SLC9A9: variants seen among roughly 807,000 people sequenced by gnomAD.
SLC9A9 encodes the protein solute carrier family 9 member A9, also known as sodium/hydrogen exchanger 9.
In SLC9A9, 62 loss-of-function variants were observed where a neutral mutation model predicts 77.8. That is an observed-to-expected ratio of 0.80 (90% CI 0.65 to 0.98). The LOEUF (loss-of-function observed/expected upper bound fraction) is 0.98, where lower values mean the gene tolerates loss of function less well. Ranked by LOEUF, SLC9A9 falls within the 50% of genes least tolerant of loss-of-function variation. The pLI, the probability that SLC9A9 is intolerant of heterozygous loss-of-function variation, is 0.00. For missense variants in SLC9A9, 775 were observed against 774.9 expected (o/e 1.00, Z 0.00); for synonymous variants, 320 against 283.5 (o/e 1.13, Z -1.29).
intron 4 of SLC9A9, among the ~76,000 whole-genome samples, chr3:143,699,559 C>G (rs12486254): frequency 0.49 from 73,943 of 151,976 alleles, 18,248 homozygotes; most frequent in South Asian, 0.62. Flanking sequence ...ACTGAACTTA[C>G]CGGTGCCGTG....
intron 14 of SLC9A9, 134 bp downstream of exon 14, chr3:143,363,344 CTTTTTA>C (rs1295181483): frequency 3.8e-6 from 3 of 784,714 alleles, no homozygotes; most frequent in Non-Finnish European, 6.4e-6. Context: ...GAAATCATTC[CTTTTTA>C]TAAGTTTGGC....
At chr3:143,730,211 C>A (rs114920547) in intron 4 of SLC9A9, among the ~76,000 whole-genome samples, 2 of 152,112 alleles carry the variant, frequency 1.3e-5, no homozygotes, top group African/African-American at 2.4e-5. Context: ...CCTTTGAAAG[C>A]GTGGTATTTT....
chr3:143,823,942 T>C (rs2009236838), intron 2 of SLC9A9, among the ~76,000 whole-genome samples: 3 of 152,164 alleles, frequency 2.0e-5, no homozygotes, highest in Admixed American at 2.0e-4. Context: ...TTATAATGTA[T>C]AGAGTATATT....
At chr3:143,554,279 A>C (rs2036939894) in intron 8 of SLC9A9, among the ~76,000 whole-genome samples, 1 of 152,198 alleles carries the variant, frequency 6.6e-6, no homozygotes, top group Admixed American at 6.5e-5. Context: ...ACATCTTCTT[A>C]TTTACTGCAG....
At chr3:143,571,299 T>C (rs1327935425) in intron 8 of SLC9A9, among the ~76,000 whole-genome samples, 1 of 152,246 alleles carries the variant, frequency 6.6e-6, no homozygotes, top group African/African-American at 2.4e-5. Flanking sequence ...GTATTCATTG[T>C]TGTCTATTCA....
chr3:143,574,076 T>C lies in SLC9A9; in HGVS notation c.1000+12A>G, dbSNP rs371013527. 5.6e-6 allele frequency: 9 copies of C among 1,610,790 alleles called. No individual in the cohort carries two copies. Among genetic ancestry groups the C allele is most frequent in the Non-Finnish European group, 7.6e-6 (9 of 1,177,616 alleles). On this transcript the variant is annotated intron_variant, in intron 8 of 15. Coordinates refer to ENST00000316549, the MANE Select transcript of SLC9A9 (RefSeq NM_173653.4). ...CACACATCCAGTTGGCTGTGCAGCA[T>C]GAAGCACTGACCTGTTAGGCCGGCA...
chr3:143,789,114 G>T (rs1240564144), intron 4 of SLC9A9, among the ~76,000 whole-genome samples: 1 of 152,132 alleles, frequency 6.6e-6, no homozygotes, highest in Non-Finnish European at 1.5e-5. Context: ...ATAGATACAA[G>T]ACGGCCACCA....
chr3:143,795,123 C>A (rs2008342479), intron 3 of SLC9A9, 46 bp from the exon 4 acceptor site: 1 of 1,543,366 alleles, frequency 6.5e-7, no homozygotes, highest in South Asian at 1.1e-5. Context: ...AGAATTTTTT[C>A]TTAGTGCAAA....
At chr3:143,466,907 G>A in intron 12 of SLC9A9, 130 bp downstream of exon 12, 1 of 1,169,798 alleles carries the variant, frequency 8.5e-7, no homozygotes, top group Non-Finnish European at 1.2e-6. Context: ...TATGAGTGAA[G>A]GTCAACTTGA....
chr3:143,836,695 T>A (rs57948714), intron 1 of SLC9A9, among the ~76,000 whole-genome samples: 141 of 152,302 alleles, frequency 9.3e-4, no homozygotes, highest in African/African-American at 3.3e-3. Flanking sequence ...CTTCCTGAAC[T>A]GATTCTCATT....
intron 14 of SLC9A9, among the ~76,000 whole-genome samples, chr3:143,308,640 T>C (rs1452621295): frequency 6.6e-6 from 1 of 152,016 alleles, no homozygotes; most frequent in Non-Finnish European, 1.5e-5. Context: ...CATGGGGCCC[T>C]TCTGAATGGG....
intron 4 of SLC9A9, among the ~76,000 whole-genome samples, chr3:143,709,128 G>A (rs887992041): frequency 1.3e-5 from 2 of 152,236 alleles, no homozygotes; most frequent in East Asian, 3.9e-4. Context: ...CAAAAGTTGG[G>A]TAATTTATTG....
chr3:143,580,211 T>C (rs1192847867), intron 6 of SLC9A9, among the ~76,000 whole-genome samples: 1 of 152,178 alleles, frequency 6.6e-6, no homozygotes, highest in African/African-American at 2.4e-5. Flanking sequence ...CTGTGATGCT[T>C]GATGTGTTTG....
At chr3:143,540,106 G>A (rs558480179) in intron 9 of SLC9A9, among the ~76,000 whole-genome samples, 1 of 152,226 alleles carries the variant, frequency 6.6e-6, no homozygotes, top group Admixed American at 6.5e-5. Context: ...ACATTTAAAG[G>A]TAAATTAGTA....
chr3:143,332,552 G>A (rs915942804), intron 14 of SLC9A9, among the ~76,000 whole-genome samples: 7 of 152,200 alleles, frequency 4.6e-5, no homozygotes, highest in African/African-American at 1.7e-4. Context: ...TTCTCAACCT[G>A]ATGGCCCACT....
chr3:143,458,702 A>G (rs958849746), intron 12 of SLC9A9, among the ~76,000 whole-genome samples: 9 of 152,122 alleles, frequency 5.9e-5, no homozygotes, highest in African/African-American at 1.9e-4. Flanking sequence ...AAAACTTACC[A>G]CTTACAGGTC....
intron 6 of SLC9A9, among the ~76,000 whole-genome samples, chr3:143,595,159 T>C (rs189430802): frequency 3.4e-3 from 522 of 152,342 alleles, no homozygotes; most frequent in Non-Finnish European, 5.8e-3. Flanking sequence ...TGGTTTCTTG[T>C]GACTTAAGCT....
intron 4 of SLC9A9, among the ~76,000 whole-genome samples, chr3:143,768,107 A>G (rs1576713099): frequency 6.6e-6 from 1 of 151,920 alleles, no homozygotes; most frequent in Non-Finnish European, 1.5e-5. Flanking sequence ...TATTCTTCAC[A>G]CTACCTCCTC....
intron 13 of SLC9A9, among the ~76,000 whole-genome samples, chr3:143,364,679 C>A (rs1006675213): frequency 1.3e-5 from 2 of 152,148 alleles, no homozygotes; most frequent in Non-Finnish European, 2.9e-5. Context: ...TAGATGCTTC[C>A]GTTCTATCCC....
Sources: gnomAD v4.1 joint callset for allele counts (sites outside exome capture counted in the v4.1 genomes callset) on GRCh38, gnomAD v4.1.1 for gene constraint, MANE v1.5 for transcripts, NCBI Gene and HGNC (gene_info 2026-07-23, HGNC 2026-07-21) for gene names.